RAD51B: variants seen among roughly 807,000 people sequenced by gnomAD.
The protein encoded by RAD51B is DNA repair protein RAD51 homolog 2.
A neutral mutation model predicts 42.2 loss-of-function variants in RAD51B; 38 were observed. That is an observed-to-expected ratio of 0.90 (90% CI 0.70 to 1.18). The LOEUF (loss-of-function observed/expected upper bound fraction) is 1.18. RAD51B is among the 50% of genes most tolerant of loss of function. The pLI is 0.00. For synonymous variants in RAD51B, 154 were observed against 145.2 expected (o/e 1.06, Z -0.43); for missense variants, 373 against 400.7 (o/e 0.93, Z 0.59).
chr14:68,330,093 G>A (rs1005768805), intron 8 of RAD51B, among the ~76,000 whole-genome samples: 32 of 152,016 alleles, frequency 2.1e-4, no homozygotes, highest in Middle Eastern at 3.2e-3. Flanking sequence ...GTTAACAAGA[G>A]CCTGGCATTA....
At chr14:68,128,602 GA>G (rs539714035) in intron 7 of RAD51B, among the ~76,000 whole-genome samples, 189 of 152,252 alleles carry the variant, frequency 1.2e-3, no homozygotes, top group Non-Finnish European at 1.8e-3. Flanking sequence ...TGAGGTGGGA[GA>G]ACCACTTGAA....
chr14:67,951,650 G>A (rs1477295198), intron 7 of RAD51B, among the ~76,000 whole-genome samples: 1 of 151,992 alleles, frequency 6.6e-6, no homozygotes, highest in Non-Finnish European at 1.5e-5. Context: ...TGAAAGTTCA[G>A]GTTTATCTGA....
chr14:68,334,905 AGATAT>A (rs1258737647), intron 8 of RAD51B, among the ~76,000 whole-genome samples: 3 of 75,422 alleles, frequency 4.0e-5, no homozygotes, highest in Non-Finnish European at 1.0e-4. Flanking sequence ...TATATAGGAT[AGATAT>A]ATTTTATGAT....
intron 7 of RAD51B, among the ~76,000 whole-genome samples, chr14:68,196,496 C>G (rs1435858339): frequency 6.6e-6 from 1 of 152,124 alleles, no homozygotes; most frequent in East Asian, 1.9e-4. Flanking sequence ...TCTTTCCTCT[C>G]CATGGAATAA....
chr14:68,669,237 A>G (rs1470038051), intron 11 of RAD51B, among the ~76,000 whole-genome samples: 1 of 152,262 alleles, frequency 6.6e-6, no homozygotes, highest in African/African-American at 2.4e-5. Flanking sequence ...CCCTCCGGAA[A>G]TAAGCAAAGA....
intron 7 of RAD51B, among the ~76,000 whole-genome samples, chr14:67,922,376 C>T (rs2044354156): frequency 6.6e-6 from 1 of 152,086 alleles, no homozygotes; most frequent in Non-Finnish European, 1.5e-5. Context: ...GAAAAATACC[C>T]CTTAACATCT....
At chr14:68,227,411 C>T (rs2080060794) in intron 7 of RAD51B, among the ~76,000 whole-genome samples, 1 of 152,134 alleles carries the variant, frequency 6.6e-6, no homozygotes, top group Non-Finnish European at 1.5e-5. Flanking sequence ...CAACTGTTGA[C>T]CTTAGATTAG....
intron 8 of RAD51B, among the ~76,000 whole-genome samples, chr14:68,316,715 G>A (rs377416615): frequency 6.6e-6 from 1 of 152,170 alleles, no homozygotes; most frequent in African/African-American, 2.4e-5. Context: ...CGCACCTCTT[G>A]GCTAATGAGG....
rs1022435880 is a variant in RAD51B, at chr14:67,841,789, G to C, written c.315+6593G>C. ...TCCATTGATCACTATGTCTGTTTTT[G>C]TACCAGTACCATGCCGTTTTGGTTG... On this transcript the variant is annotated intron_variant, in intron 4 of 10. Coordinates refer to ENST00000471583, the MANE Select transcript of RAD51B (RefSeq NM_133510.4). 5.9e-4 allele frequency among the ~76,000 whole-genome samples: 89 copies of C among 152,078 alleles called. 5 individuals are homozygous for C. The highest frequency in any genetic ancestry group is 2.9e-5 in the Non-Finnish European group (2 of 68,024).
chr14:68,640,606 A>G (rs1040413452), intron 10 of RAD51B, among the ~76,000 whole-genome samples: 5 of 152,248 alleles, frequency 3.3e-5, no homozygotes, highest in Non-Finnish European at 7.3e-5. Flanking sequence ...CCCTTAAAAC[A>G]TAGCATGATA....
chr14:68,109,082 A>G lies in RAD51B; in HGVS notation c.757-182802A>G, dbSNP rs1405837753. ...AACTTAATGTTATATTACTTTTCAA[A>G]CCAAGAGTGGCATATTGTTGTAATT... On this transcript the variant is annotated intron_variant, in intron 7 of 10. Transcript: ENST00000471583. 4.6e-5 allele frequency among the ~76,000 whole-genome samples: 7 copies of G among 151,970 alleles called. No individual in the cohort carries two copies. The East Asian group carries it at 1.2e-3, about 25-fold the overall frequency.
chr14:68,369,361 A>C (rs1594739844), intron 8 of RAD51B, among the ~76,000 whole-genome samples: 1 of 152,198 alleles, frequency 6.6e-6, no homozygotes, highest in East Asian at 1.9e-4. Context: ...CGGCTCTTGC[A>C]CAGATTGCGT....
chr14:67,932,800 GC>G (rs1566965479), intron 7 of RAD51B, among the ~76,000 whole-genome samples: 1 of 152,096 alleles, frequency 6.6e-6, no homozygotes, highest in Non-Finnish European at 1.5e-5. Context: ...GAGGGGAGGG[GC>G]CCCATGTTCA....
intron 10 of RAD51B, chr14:68,541,716 G>A (rs369084751): frequency 7.3e-5 from 72 of 985,304 alleles, no homozygotes; most frequent in Middle Eastern, 1.0e-3. Flanking sequence ...GAAAAAGCTG[G>A]CAAAGTGGAA....
chr14:67,882,222 C>G (rs1249588325), intron 5 of RAD51B, among the ~76,000 whole-genome samples: 1 of 152,196 alleles, frequency 6.6e-6, no homozygotes, highest in Non-Finnish European at 1.5e-5. Context: ...ATCCTCCTGC[C>G]TTGGCCTCCT....
At chr14:68,392,838 C>T (rs941551134) in intron 8 of RAD51B, among the ~76,000 whole-genome samples, 1 of 152,232 alleles carries the variant, frequency 6.6e-6, no homozygotes, top group Non-Finnish European at 1.5e-5. Context: ...CCTGGTGCCC[C>T]AGTTCTGCAG....
intron 7 of RAD51B, among the ~76,000 whole-genome samples, chr14:68,105,236 A>G (rs147905064): frequency 9.2e-5 from 14 of 152,112 alleles, no homozygotes; most frequent in African/African-American, 3.4e-4. Flanking sequence ...ATAGCTTCGG[A>G]CAATTTACCT....
At chr14:68,358,824 A>C (rs558661772) in intron 8 of RAD51B, among the ~76,000 whole-genome samples, 11 of 152,338 alleles carry the variant, frequency 7.2e-5, no homozygotes, top group African/African-American at 2.6e-4. Flanking sequence ...GAAATTATTA[A>C]AAATTATTTG....
chr14:67,840,619 G>C (rs959150974), intron 4 of RAD51B, among the ~76,000 whole-genome samples: 1 of 152,166 alleles, frequency 6.6e-6, no homozygotes, highest in Non-Finnish European at 1.5e-5. Context: ...TTTTGGTAGA[G>C]TGATTTATTT....
Sources: allele counts gnomAD v4.1 joint callset (sites outside exome capture counted in the v4.1 genomes callset), GRCh38; gene constraint gnomAD v4.1.1; transcripts MANE v1.5; gene names NCBI Gene and HGNC (gene_info 2026-07-23, HGNC 2026-07-21).